The following FBXO11 variants were observed in gnomAD, a reference collection of about 807,000 sequenced individuals.
FBXO11 encodes the protein F-box only protein 11.
A neutral mutation model predicts 117.0 loss-of-function variants in FBXO11; 13 were observed. The ratio of observed to expected loss-of-function variants is 0.11; its 90% CI spans 0.07 to 0.18. The LOEUF (loss-of-function observed/expected upper bound fraction) is 0.18, where lower values mean the gene tolerates loss of function less well. FBXO11 is among the 10% of genes least tolerant of loss of function. FBXO11 has a pLI of 1.00. For synonymous variants in FBXO11, 490 were observed against 380.5 expected, an observed-to-expected ratio of 1.29 and a Z score of -3.35; for missense variants, 767 against 1,164.4, an observed-to-expected ratio of 0.66 and a Z score of 4.97.
At chr2:47,813,198 C>T in intron 18 of FBXO11, 36 bp downstream of exon 18, 1 of 1,598,848 alleles carries the variant, frequency 6.3e-7, no homozygotes, top group Non-Finnish European at 8.6e-7. Context: ...TAATGGAAAA[C>T]TGGATTTTTC....
At chr2:47,858,669 G>A in intron 1 of FBXO11, among the ~76,000 whole-genome samples, 1 of 124,066 alleles carries the variant, frequency 8.1e-6, no homozygotes, top group African/African-American at 3.2e-5. Context: ...GCAACAGAGT[G>A]AGACTCTGCC....
rs375331541 is a variant in FBXO11 at position 47,819,085 on chromosome 2, G to A, written c.1798-7C>T. 4 of 1,611,960 alleles carry A rather than the reference G, an allele frequency of 2.5e-6. No individual in the cohort carries two copies. Among genetic ancestry groups the A allele is most frequent in the East Asian group, 2.2e-5 (1 of 44,878 alleles). ...CTCCTTGTCCCTTTTCATGCTAAAT[G>A]AAAGTTACACTGGTTATAATATTTA... On this transcript the variant is annotated splice_polypyrimidine_tract_variant and splice_region_variant and intron_variant, in intron 14 of 22. Coordinates refer to ENST00000403359, the MANE Select transcript of FBXO11 (RefSeq NM_001190274.2).
chr2:47,878,591 G>A lies in FBXO11; in HGVS notation c.232+26898C>T, dbSNP rs868004504. Among the ~76,000 whole-genome samples the A allele has an allele frequency of 4.0e-5, 6 of 151,736 alleles. No individual in the cohort carries two copies. The South Asian group carries it at 8.3e-4, about 21-fold the overall frequency. ...AGGTTGGTCTTGAACTCCTGACCTC[G>A]AACTCCTCAATCTGCCCACCTCGGC... On this transcript the variant is annotated intron_variant, in intron 1 of 22. Transcript: ENST00000403359.
chr2:47,824,760 A>C (rs1465592500), intron 11 of FBXO11, among the ~76,000 whole-genome samples: 1 of 152,198 alleles, frequency 6.6e-6, no homozygotes, highest in Non-Finnish European at 1.5e-5. Context: ...GTTTCTTCAT[A>C]CTTTGAATTT....
At chr2:47,844,822 G>C (rs1213237147) in intron 1 of FBXO11, among the ~76,000 whole-genome samples, 1 of 152,076 alleles carries the variant, frequency 6.6e-6, no homozygotes, top group Non-Finnish European at 1.5e-5. Flanking sequence ...TTTCTGTAGA[G>C]ACATGGTTTT....
chr2:47,833,562 T>C (rs1672336761), intron 7 of FBXO11, among the ~76,000 whole-genome samples: 2 of 152,124 alleles, frequency 1.3e-5, no homozygotes, highest in South Asian at 4.1e-4. Flanking sequence ...CAAATAATAA[T>C]TACTAGCTAT....
chr2:47,858,633 A>C (rs1192028119), intron 1 of FBXO11, among the ~76,000 whole-genome samples: 2 of 143,304 alleles, frequency 1.4e-5, no homozygotes. Flanking sequence ...AGTGAGCTGA[A>C]ATCATGTCAT....
At chr2:47,830,246 T>C (rs1572800818) in intron 11 of FBXO11, among the ~76,000 whole-genome samples, 1 of 152,126 alleles carries the variant, frequency 6.6e-6, no homozygotes, top group Non-Finnish European at 1.5e-5. Flanking sequence ...TTCTCAGCCA[T>C]GCTCAATGCT....
chr2:47,822,845 T>A (rs916558914), intron 12 of FBXO11, among the ~76,000 whole-genome samples: 1 of 152,182 alleles, frequency 6.6e-6, no homozygotes, highest in Admixed American at 6.5e-5. Flanking sequence ...GAGGTAACAG[T>A]CCTATTTACT....
At chr2:47,854,413 T>C (rs1011415038) in intron 1 of FBXO11, among the ~76,000 whole-genome samples, 1 of 151,958 alleles carries the variant, frequency 6.6e-6, no homozygotes, top group Non-Finnish European at 1.5e-5. Context: ...CTTAGACTTA[T>C]TTGTAATTAC....
chr2:47,844,327 G>A (rs773470124), intron 1 of FBXO11, among the ~76,000 whole-genome samples: 2 of 152,066 alleles, frequency 1.3e-5, no homozygotes, highest in Admixed American at 6.5e-5. Context: ...CATTTGACTA[G>A]TGGGCACTTT....
chr2:47,809,334 G>A, intron 20 of FBXO11, 68 bp from the exon 21 acceptor site: 2 of 1,026,692 alleles, frequency 1.9e-6, no homozygotes, highest in Admixed American at 2.5e-5. Flanking sequence ...AAAGATTATA[G>A]GATTATTCTA....
At chr2:47,832,059 G>C (rs1672235094) in intron 11 of FBXO11, among the ~76,000 whole-genome samples, 1 of 152,182 alleles carries the variant, frequency 6.6e-6, no homozygotes, top group South Asian at 2.1e-4. Context: ...GAAAGCTTTT[G>C]GGTGGCTTTT....
chr2:47,825,187 A>C (rs957764071), intron 11 of FBXO11, among the ~76,000 whole-genome samples: 2 of 152,232 alleles, frequency 1.3e-5, no homozygotes, highest in Non-Finnish European at 2.9e-5. Context: ...GGCCTCCAAG[A>C]ATAACATACA....
chr2:47,870,027 G>A (rs1003885927), intron 1 of FBXO11, among the ~76,000 whole-genome samples: 2 of 152,264 alleles, frequency 1.3e-5, no homozygotes, highest in African/African-American at 2.4e-5. Flanking sequence ...TGCCTCCCAT[G>A]TGGGTGGGCC....
At chr2:47,834,255 C>A (rs1364457513) in intron 7 of FBXO11, among the ~76,000 whole-genome samples, 1 of 151,934 alleles carries the variant, frequency 6.6e-6, no homozygotes, top group Non-Finnish European at 1.5e-5. Flanking sequence ...GAGGTTGAGG[C>A]ATGAGAATTG....
chr2:47,888,335 A>G (rs998604708), intron 1 of FBXO11, among the ~76,000 whole-genome samples: 3 of 152,234 alleles, frequency 2.0e-5, no homozygotes, highest in Non-Finnish European at 2.9e-5. Context: ...ACAAACCTCA[A>G]GAATTGGGAC....
At chr2:47,814,121 C>T (rs892514058) in intron 16 of FBXO11, 12 of 363,644 alleles carry the variant, frequency 3.3e-5, no homozygotes, top group African/African-American at 2.1e-4. Context: ...TATTAAGTGA[C>T]ATATATTCCC....
chr2:47,810,313 A>T lies in FBXO11; in HGVS notation c.2338+3T>A, dbSNP rs1348890106. On this transcript the variant is annotated splice_donor_region_variant and intron_variant, in intron 19 of 22. Transcript: ENST00000403359. ...GCCACAGGTAAGAAAAGAAAATACA[A>T]ACCTGCGGCAAATCCATCAAATATT... The T allele has an allele frequency of 1.3e-6, 2 of 1,587,650 alleles. No individual in the cohort carries two copies. Among genetic ancestry groups the T allele is most frequent in the African/African-American group, 2.7e-5 (2 of 73,820 alleles).
Sources: allele counts gnomAD v4.1 joint callset (sites outside exome capture counted in the v4.1 genomes callset), GRCh38; gene constraint gnomAD v4.1.1; transcripts MANE v1.5; gene names NCBI Gene and HGNC (gene_info 2026-07-23, HGNC 2026-07-21).